The following DGKD variants were observed in gnomAD, a reference collection of about 807,000 sequenced individuals.
DGKD encodes the protein DAG kinase delta.
In DGKD, 68 loss-of-function variants were observed where a neutral mutation model predicts 154.4. The ratio of observed to expected loss-of-function variants is 0.44; its 90% CI spans 0.36 to 0.54. The LOEUF (loss-of-function observed/expected upper bound fraction) is 0.54. DGKD is among the 20% of genes least tolerant of loss of function. The pLI, the probability that DGKD is intolerant of heterozygous loss-of-function variation, is 0.00. For missense variants in DGKD, 1,343 were observed against 1,593.6 expected, an observed-to-expected ratio of 0.84 and a Z score of 2.68; for synonymous variants, 693 against 638.0, an observed-to-expected ratio of 1.09 and a Z score of -1.30.
intron 10 of DGKD, among the ~76,000 whole-genome samples, chr2:233,444,827 C>T (rs888650832): frequency 6.6e-6 from 1 of 150,682 alleles, no homozygotes. Flanking sequence ...GGCTGGACCA[C>T]GGCAGGTTTC....
Position 233,452,727 on chromosome 2 carries a change from T to C in DGKD, c.2264+667T>C, listed in dbSNP as rs2063333192. ...AGTTTAATGCAGTCTTCCTAGGTAT[T>C]GGAGTCCATTTTGGAGACAAGTGGT... On this transcript the variant is annotated intron_variant, in intron 18 of 29. Coordinates refer to ENST00000264057, the MANE Select transcript of DGKD (RefSeq NM_152879.3). The surrounding 1 kb of genome is among the most constrained non-coding windows in gnomAD (Gnocchi z 4.0). Among the ~76,000 whole-genome samples the C allele has an allele frequency of 6.6e-6, 1 of 152,176 alleles. No homozygotes were observed. The highest frequency in any genetic ancestry group is 2.4e-5 in the African/African-American group (1 of 41,430).
Position 233,406,353 on chromosome 2 carries a change from C to A in DGKD, c.348+15870C>A, listed in dbSNP as rs191909583. On this transcript the variant is annotated intron_variant, in intron 3 of 29. Coordinates refer to ENST00000264057, the MANE Select transcript of DGKD (RefSeq NM_152879.3). ...GACATACCTTTTGGAGGCCATCATT[C>A]GATGCCCTATAGCTACAAATAAGAA... Among the ~76,000 whole-genome samples, 223 of 152,320 alleles carry A rather than the reference C, an allele frequency of 1.5e-3. 3 individuals carry two copies. The highest frequency in any genetic ancestry group is 5.1e-3 in the African/African-American group (210 of 41,562).
At chr2:233,391,411 TC>T (rs112375518) in intron 3 of DGKD, among the ~76,000 whole-genome samples, 9 of 151,638 alleles carry the variant, frequency 5.9e-5, no homozygotes, top group African/African-American at 1.7e-4. Context: ...TGTGTTTTTT[TC>T]CCCCCCCAGG....
chr2:233,454,636 C>G (rs1240340885), intron 18 of DGKD, 127 bp from the exon 19 acceptor site: 2 of 617,248 alleles, frequency 3.2e-6, no homozygotes, highest in Admixed American at 3.0e-5. Flanking sequence ...CTTAATAAAT[C>G]TCTTAGCAGA....
At chr2:233,396,406 AT>A (rs1043002580) in intron 3 of DGKD, among the ~76,000 whole-genome samples, 1 of 151,926 alleles carries the variant, frequency 6.6e-6, no homozygotes, top group East Asian at 1.9e-4. Context: ...TTTGGCAAGC[AT>A]TTTTTTTGGG....
chr2:233,420,138 A>G (rs554216000), intron 3 of DGKD, among the ~76,000 whole-genome samples: 1 of 152,252 alleles, frequency 6.6e-6, no homozygotes, highest in South Asian at 2.1e-4. Flanking sequence ...ACCCTGCATA[A>G]AGGGGTTGGG....
chr2:233,403,521 G>A (rs1051036670), intron 3 of DGKD, among the ~76,000 whole-genome samples: 8 of 151,584 alleles, frequency 5.3e-5, no homozygotes, highest in Admixed American at 2.6e-4. Context: ...AGATCGCACC[G>A]TTGCACTCCA....
chr2:233,464,040 C>G (rs2063750462), intron 26 of DGKD, 124 bp from the exon 27 acceptor site: 2 of 1,369,648 alleles, frequency 1.5e-6, no homozygotes, highest in Non-Finnish European at 2.0e-6. Context: ...GACTTCGTTT[C>G]TGGAAAGTGA....
chr2:233,462,603 G>A (rs142048586), intron 25 of DGKD, 40 bp from the exon 26 acceptor site: 59 of 1,597,600 alleles, frequency 3.7e-5, no homozygotes, highest in Admixed American at 2.8e-4. Context: ...GTGCATGTTC[G>A]GCCCCCCGCC....
intron 19 of DGKD, among the ~76,000 whole-genome samples, chr2:233,455,909 A>G (rs2063445137): frequency 6.6e-6 from 1 of 152,258 alleles, no homozygotes; most frequent in Non-Finnish European, 1.5e-5. Flanking sequence ...GGCCCCAGGG[A>G]CATATCCCTG....
chr2:233,391,707 G>A lies in DGKD; in HGVS notation c.348+1224G>A, dbSNP rs990070757. On this transcript the variant is annotated intron_variant, in intron 3 of 29. Coordinates refer to ENST00000264057, the MANE Select transcript of DGKD (RefSeq NM_152879.3). ...GGTGAGTAATTTTCCTCAAGTTTAG[G>A]ATCTGATATTTTGGGTTAGTGCTAG... 1.1e-4 allele frequency among the ~76,000 whole-genome samples: 16 copies of A among 152,220 alleles called. No individual in the cohort carries two copies. The South Asian group carries it at 2.9e-3, about 28-fold the overall frequency.
At chr2:233,394,818 C>G (rs1703902487) in intron 3 of DGKD, among the ~76,000 whole-genome samples, 1 of 147,554 alleles carries the variant, frequency 6.8e-6, no homozygotes. Flanking sequence ...AGAGATCTTC[C>G]TGCCTCACCC....
At position 233,458,508 on chromosome 2, in the gene DGKD, C is replaced by T; in HGVS notation, c.2694+111C>T. The stretch of plus-strand genomic sequence containing the variant: ...GTGGGCGCTTTCCAGGGCCATGTGG[C>T]TGCCTCATGTCCTGTCCTGGACAGC... On this transcript the variant is annotated intron_variant, in intron 22 of 29. Transcript: ENST00000264057. This position sits in a 1 kb window ranked among gnomAD's most constrained non-coding sequence, Gnocchi z 6.6. 1 of 752,558 alleles carries T rather than the reference C, an allele frequency of 1.3e-6. No individual in the cohort carries two copies. Among genetic ancestry groups the T allele is most frequent in the African/African-American group, 1.7e-5 (1 of 58,144 alleles). 46.6% of individuals were successfully genotyped at this position (752,558 alleles called of 1,614,324 possible).
rs909326979 is a variant in DGKD at position 233,445,659 on chromosome 2, G to A, written c.1231G>A (p.Asp411Asn). The change falls in exon 11 of 30, where the codon GAC (aspartate) becomes AAC (asparagine). Residue 411 changes from aspartate to asparagine, a missense_variant. By Grantham distance (23) the Asp-to-Asn change is conservative (BLOSUM62 1). Around this residue, in one of 6 missense-constraint regions of DGKD, gnomAD observed 56 missense variants for 111.1 expected, o/e 0.50. Transcript: ENST00000264057. This position sits in a 1 kb window ranked among gnomAD's most constrained non-coding sequence, Gnocchi z 5.5. ...LGVLPLGTGN[D>N]LARVLGWGSA... The stretch of plus-strand genomic sequence containing the variant: ...AGTGCTGCCGCTCGGCACAGGGAAC[G>A]ACTTGGCCCGAGTACTGGGCTGGGG... 1.2e-6 allele frequency: 2 copies of A among 1,613,320 alleles called. No homozygotes were observed. Among genetic ancestry groups the A allele is most frequent in the Non-Finnish European group, 1.7e-6 (2 of 1,179,650 alleles).
Position 233,434,428 on chromosome 2 carries a change from G to C in DGKD, c.397G>C (p.Glu133Gln), listed in dbSNP as rs199985859. The C allele has an allele frequency of 1.9e-6, 3 of 1,614,166 alleles. No individual in the cohort carries two copies. The highest frequency in any genetic ancestry group is 1.7e-4 in the Middle Eastern group (1 of 6,060). The change falls in exon 4 of 30, where the codon GAA (glutamate) becomes CAA (glutamine). Residue 133 changes from glutamate to glutamine, a missense_variant. Physicochemically the swap from Glu to Gln is conservative, Grantham distance 29 (BLOSUM62 2). Transcript: ENST00000264057. ...CATCTTGTGTGCTGATAACAGAAAA[G>C]AAATGGAAGATTGGATTGCAGCATT... ...KLILCADNRK[E>Q]MEDWIAALKT... is the part of the protein sequence containing the mutation.
At chr2:233,448,914 G>T (rs540359492) in intron 14 of DGKD, among the ~76,000 whole-genome samples, 189 bp from the exon 15 acceptor site, 43 of 152,216 alleles carry the variant, frequency 2.8e-4, no homozygotes, top group African/African-American at 1.0e-3. Context: ...TTTCCCACCT[G>T]CCAGGGCGGG....
rs76677662 is a variant in DGKD, at chr2:233,446,164, A to G, written c.1334+402A>G. 9.0e-3 allele frequency among the ~76,000 whole-genome samples: 1,364 copies of G among 152,358 alleles called. 27 individuals carry two copies. Among genetic ancestry groups the G allele is most frequent in the African/African-American group, 0.031 (1,294 of 41,590 alleles). ...AAGAAGTTTTGGGAAATTATCCTCT[A>G]GTGCCTAAAGCCACTGTGACACCTT... On this transcript the variant is annotated intron_variant, in intron 11 of 29. Transcript: ENST00000264057.
chr2:233,354,635 C>A lies in DGKD; in HGVS notation c.117C>A (p.Leu39=). ...PEAEPGSPQK[L]IRKVSTSGQI... is the part of the protein sequence containing the mutation. ...CGGAGCCCGGCTCCCCACAGAAGCT[C>A]ATCCGCAAGGTGTCCACGTCGGGTC... Residue 39 remains leucine (L), a synonymous_variant, in exon 1 of 30, where the codon CTC becomes CTA. Coordinates refer to ENST00000264057, the MANE Select transcript of DGKD (RefSeq NM_152879.3). The surrounding 1 kb of genome is among the most constrained non-coding windows in gnomAD (Gnocchi z 4.8). 1 of 1,120,178 alleles carries A rather than the reference C, an allele frequency of 8.9e-7. No individual in the cohort carries two copies. The highest frequency in any genetic ancestry group is 8.7e-5 in the East Asian group (1 of 11,506). The allele number at this position is 1,120,178 out of a possible 1,614,324, so 69.4% of individuals were successfully genotyped here.
At chr2:233,412,260 A>ATC (rs1283552983) in intron 3 of DGKD, among the ~76,000 whole-genome samples, 1 of 152,066 alleles carries the variant, frequency 6.6e-6, no homozygotes, top group Admixed American at 6.5e-5. Flanking sequence ...CATTAACACG[A>ATC]TCTCTCTCTC....
Sources: allele counts gnomAD v4.1 joint callset (sites outside exome capture counted in the v4.1 genomes callset), GRCh38; gene constraint gnomAD v4.1.1; regional missense constraint gnomAD v4.1.1; non-coding constraint Gnocchi (gnomAD v3.1); transcripts MANE v1.5; gene names NCBI Gene and HGNC (gene_info 2026-07-23, HGNC 2026-07-21).